Variants in PCDHA2 observed in about 807,000 individuals in gnomAD.
The protein encoded by PCDHA2 is protocadherin alpha-2.
PCDHA2 carries 58 observed loss-of-function variants against 66.0 expected under a neutral mutation model. The observed-to-expected ratio is 0.88, with a 90% CI of 0.71 to 1.09. The LOEUF (loss-of-function observed/expected upper bound fraction) is 1.09. Among genes scored for constraint, PCDHA2 ranks in the 50% least tolerant of loss-of-function variants. The pLI, the probability that PCDHA2 is intolerant of heterozygous loss-of-function variation, is 0.00. For synonymous variants in PCDHA2, 634 were observed against 554.0 expected (o/e 1.14, Z -2.03); for missense variants, 1,267 against 1,242.3 (o/e 1.02, Z -0.30).
chr5:140,822,416 C>G (rs1767302575), intron 1 of PCDHA2: 1 of 1,614,024 alleles, frequency 6.2e-7, no homozygotes. Context: ...GTGATTGCAA[C>G]TGATGGAGGA....
intron 1 of PCDHA2, chr5:140,802,400 C>G: frequency 6.2e-7 from 1 of 1,614,242 alleles, no homozygotes; most frequent in Non-Finnish European, 8.5e-7. Context: ...TGTCCACCTT[C>G]AAGAATTACT....
chr5:140,796,397 C>T lies in PCDHA2; in HGVS notation c.1433C>T (p.Ser478Leu), dbSNP rs1454968825. The change falls in exon 1 of 4, where the codon TCA becomes TTA. Residue 478 changes from serine (S) to leucine (L), a missense_variant. Transcript: ENST00000526136. ...NPPGCHIFTV[S>L]AWDADAQENA... ...CCGGGCTGCCACATCTTCACGGTGT[C>T]AGCGTGGGATGCGGACGCGCAGGAG... The T allele has an allele frequency of 6.2e-7, 1 of 1,613,802 alleles. No individual in the cohort carries two copies. The highest frequency in any genetic ancestry group is 8.5e-7 in the Non-Finnish European group (1 of 1,179,970).
At chr5:140,991,740 GCT>G (rs1175946938) in intron 3 of PCDHA2, among the ~76,000 whole-genome samples, 3 of 152,200 alleles carry the variant, frequency 2.0e-5, no homozygotes, top group African/African-American at 7.2e-5. Context: ...GGTAATGTAG[GCT>G]CTTTCTATCA....
chr5:140,967,385 C>G (rs2096135382), intron 1 of PCDHA2: 1 of 1,608,920 alleles, frequency 6.2e-7, no homozygotes, highest in African/African-American at 1.3e-5. Flanking sequence ...CAGTAAAGTG[C>G]TTGAGCTGGT....
chr5:140,808,562 G>C, intron 1 of PCDHA2: 2 of 1,614,108 alleles, frequency 1.2e-6, no homozygotes, highest in South Asian at 2.2e-5. Flanking sequence ...CGCGCAGCCC[G>C]AGTACACAGT....
At chr5:140,968,464 C>G (rs1554230763) in intron 1 of PCDHA2, 1 of 1,614,114 alleles carries the variant, frequency 6.2e-7, no homozygotes, top group Non-Finnish European at 8.5e-7. Flanking sequence ...TGACTGCCAA[C>G]GTATATGTGG....
At chr5:141,003,761 C>T (rs1371194132) in intron 3 of PCDHA2, among the ~76,000 whole-genome samples, 3 of 152,160 alleles carry the variant, frequency 2.0e-5, no homozygotes, top group Admixed American at 1.3e-4. Flanking sequence ...TAATTATGGT[C>T]GTATTCTGTT....
chr5:140,986,714 CATT>C (rs1426352732), intron 3 of PCDHA2, among the ~76,000 whole-genome samples: 4 of 152,118 alleles, frequency 2.6e-5, no homozygotes, highest in Non-Finnish European at 4.4e-5. Flanking sequence ...CAGAAGATAA[CATT>C]ATAGCTTCTC....
chr5:140,967,998 G>A lies in PCDHA2; in HGVS notation c.2389-10951G>A, dbSNP rs1554230183. The A allele has an allele frequency of 1.9e-6, 3 of 1,614,040 alleles. No individual in the cohort carries two copies. Among genetic ancestry groups the A allele is most frequent in the African/African-American group, 1.3e-5 (1 of 74,916 alleles). The stretch of plus-strand genomic sequence containing the variant: ...GGTCTGGAGGCCACACTGCCTTTCC[G>A]ACTGAATGGCTTTGGAAACTCCTAT... On this transcript the variant is annotated intron_variant, in intron 1 of 3. Transcript: ENST00000526136.
chr5:140,809,473 G>C lies in PCDHA2; in HGVS notation c.2388+12121G>C, dbSNP rs1223238346. The C allele has an allele frequency of 3.1e-6, 5 of 1,614,142 alleles. No homozygotes were observed. In the African/African-American group the frequency reaches 5.3e-5, roughly 17 times the overall value. ...GGAGGCCGAGGGTGTGCTCTGGTGA[G>C]GGCCCACCCAAGACCGACCTCATGG... On this transcript the variant is annotated intron_variant, in intron 1 of 3. Coordinates refer to ENST00000526136, the MANE Select transcript of PCDHA2 (RefSeq NM_018905.3).
At chr5:140,872,402 G>A (rs1272057866) in intron 1 of PCDHA2, among the ~76,000 whole-genome samples, 3 of 152,128 alleles carry the variant, frequency 2.0e-5, no homozygotes, top group African/African-American at 7.2e-5. Flanking sequence ...TGAGGCAGGA[G>A]AATTGCTTGA....
intron 1 of PCDHA2, chr5:140,808,760 C>A (rs1554124765): frequency 1.2e-6 from 2 of 1,612,324 alleles, no homozygotes; most frequent in South Asian, 2.2e-5. Context: ...GCCGCTGGAC[C>A]ACGAGGAGCT....
At chr5:140,862,635 C>G in intron 1 of PCDHA2, 1 of 538,778 alleles carries the variant, frequency 1.9e-6, no homozygotes, top group Non-Finnish European at 3.8e-6. Context: ...GCTGCCACGA[C>G]TTCACAGTGT....
intron 1 of PCDHA2, chr5:140,843,893 C>A: frequency 1.5e-6 from 1 of 677,036 alleles, no homozygotes; most frequent in South Asian, 2.1e-5. Context: ...CAGTATTAAT[C>A]ATTCTCCACA....
intron 1 of PCDHA2, chr5:140,836,293 T>C (rs2150257030): frequency 1.2e-6 from 2 of 1,613,634 alleles, no homozygotes; most frequent in African/African-American, 2.7e-5. Flanking sequence ...ACACGAGCCC[T>C]AGATGAGACG....
chr5:140,848,144 G>T, intron 1 of PCDHA2: 2 of 202,506 alleles, frequency 9.9e-6, no homozygotes, highest in Non-Finnish European at 1.0e-5. Flanking sequence ...ACTTTTAGAG[G>T]CAGTCAGTCT....
chr5:140,824,615 T>TTG (rs1554129952), intron 1 of PCDHA2: 1 of 126,010 alleles, frequency 7.9e-6, no homozygotes, highest in Non-Finnish European at 1.6e-5. Context: ...TTAAAGTTTT[T>TTG]TTTTTTTTTT....
intron 1 of PCDHA2, chr5:140,851,422 A>C (rs1554145396): frequency 1.1e-6 from 1 of 948,550 alleles, no homozygotes; most frequent in Non-Finnish European, 1.3e-6. Flanking sequence ...ACTTCCCCTA[A>C]ACTTTAGAAA....
intron 1 of PCDHA2, chr5:140,863,701 A>G (rs782228120): frequency 3.1e-5 from 9 of 294,760 alleles, no homozygotes; most frequent in Non-Finnish European, 6.0e-5. Context: ...TGCTTTATTT[A>G]AAGTACACTG....
Sources: gnomAD v4.1 joint callset for allele counts (sites outside exome capture counted in the v4.1 genomes callset) on GRCh38, gnomAD v4.1.1 for gene constraint, MANE v1.5 for transcripts, NCBI Gene and HGNC (gene_info 2026-07-23, HGNC 2026-07-21) for gene names.